HTR4: variants seen among roughly 807,000 people sequenced by gnomAD.
HTR4 encodes 5-hydroxytryptamine receptor 4.
In HTR4, 16 loss-of-function variants were observed where a neutral mutation model predicts 36.8. The observed-to-expected ratio is 0.43, with a 90% CI of 0.29 to 0.66. HTR4 has a LOEUF of 0.66. Ranked by LOEUF, HTR4 falls within the 30% of genes least tolerant of loss-of-function variation. The probability of loss-of-function intolerance (pLI) is 0.13; values close to 1 mark genes in which losing one functional copy is unlikely to be tolerated. For synonymous variants in HTR4, 189 were observed against 185.1 expected, an observed-to-expected ratio of 1.02 and a Z score of -0.17; for missense variants, 438 against 490.9, an observed-to-expected ratio of 0.89 and a Z score of 1.02.
chr5:148,587,259 T>C (rs1456306465), intron 2 of HTR4, among the ~76,000 whole-genome samples: 1 of 152,242 alleles, frequency 6.6e-6, no homozygotes, highest in Non-Finnish European at 1.5e-5. Context: ...GCATAGGGTA[T>C]CAGAGGTAAA....
chr5:148,616,478 G>C (rs1752694090), intron 2 of HTR4, among the ~76,000 whole-genome samples: 1 of 151,988 alleles, frequency 6.6e-6, no homozygotes, highest in South Asian at 2.1e-4. Context: ...AAATTACAAG[G>C]GCATGTTCTA....
chr5:148,590,290 T>A (rs1761511894), intron 2 of HTR4, among the ~76,000 whole-genome samples: 1 of 104,732 alleles, frequency 9.5e-6, no homozygotes, highest in Non-Finnish European at 1.9e-5. Context: ...TTCTTTTCTT[T>A]TTTTTTTTTT....
intron 2 of HTR4, among the ~76,000 whole-genome samples, chr5:148,551,270 G>A (rs541582201): frequency 1.3e-5 from 2 of 152,310 alleles, no homozygotes; most frequent in Admixed American, 1.3e-4. Context: ...TGGTGTGATG[G>A]TTGTTCTTAC....
intron 1 of HTR4, among the ~76,000 whole-genome samples, chr5:148,640,995 AAGG>A (rs1753714256): frequency 6.6e-6 from 1 of 152,164 alleles, no homozygotes; most frequent in Admixed American, 6.5e-5. Flanking sequence ...GGAACAGAGG[AAGG>A]AGGAGTTGAT....
downstream of HTR4, chr5:148,481,524 G>A: frequency 6.6e-7 from 1 of 1,509,836 alleles, no homozygotes; most frequent in Non-Finnish European, 8.8e-7. Context: ...AGTCTTCATA[G>A]GACAGAGAGG....
intron 2 of HTR4, chr5:148,629,664 C>T (rs1753250111): frequency 6.6e-6 from 1 of 152,124 alleles, no homozygotes; most frequent in African/African-American, 2.4e-5. Context: ...GTAAACTGCA[C>T]AAAAGACTGA....
chr5:148,479,060 A>G (rs771453494), downstream of HTR4, among the ~76,000 whole-genome samples: 2 of 151,630 alleles, frequency 1.3e-5, no homozygotes, highest in Non-Finnish European at 2.9e-5. Context: ...TCAATCCAAG[A>G]CCTCCAGATA....
downstream of HTR4, among the ~76,000 whole-genome samples, chr5:148,474,074 C>A (rs948734363): frequency 1.3e-5 from 2 of 152,190 alleles, no homozygotes; most frequent in African/African-American, 4.8e-5. Context: ...GATAAGAGTA[C>A]CCTTTCCTAG....
intron 2 of HTR4, among the ~76,000 whole-genome samples, chr5:148,580,397 C>A (rs571968463): frequency 1.3e-5 from 2 of 152,102 alleles, no homozygotes; most frequent in Admixed American, 6.5e-5. Context: ...GCCAAAATTC[C>A]CCCTTTTTAC....
chr5:148,591,427 T>C lies in HTR4; in HGVS notation c.27-41165A>G, dbSNP rs181424061. 7.2e-5 allele frequency among the ~76,000 whole-genome samples: 11 copies of C among 152,330 alleles called. No individual in the cohort carries two copies. The East Asian group carries it at 1.2e-3, about 16-fold the overall frequency. On this transcript the variant is annotated intron_variant, in intron 2 of 6. Coordinates refer to ENST00000377888, the MANE Select transcript of HTR4 (RefSeq NM_000870.7). ...AATCTGTAAATGGCTTTGGGCAGTA[T>C]AGTCATTTTAGTGATACTGATTCTT...
In HTR4 at chr5:148,481,904, C is replaced by A. The variant is rs1042083745; in HGVS notation, c.*1299G>T. The A allele has an allele frequency of 8.7e-7, 1 of 1,143,724 alleles. No individual in the cohort carries two copies. Among genetic ancestry groups the A allele is most frequent in the East Asian group, 4.7e-5 (1 of 21,338 alleles). 70.8% of individuals were successfully genotyped at this position (1,143,724 alleles called of 1,614,324 possible). A position where few individuals can be genotyped will look rare whatever the true frequency, so the allele number is the denominator to read the frequency against. ...TCTAAAAGGCCCAAATGAGGAGGGT[C>A]GTTCCTTTGAAACAAAGCCAAAAGG... On this transcript the variant is annotated 3_prime_UTR_variant, in exon 7 of 7. Coordinates refer to ENST00000377888, the MANE Select transcript of HTR4 (RefSeq NM_000870.7).
Position 148,482,943 on chromosome 5 carries a change from C to A in HTR4, c.*260G>T. ...AACATGTCAGAGACACCAGAGACCA[C>A]GCGGCAAAAGCAGAGAATCTGGGAA... On this transcript the variant is annotated 3_prime_UTR_variant, in exon 7 of 7. Transcript: ENST00000377888. 1.5e-6 allele frequency: 2 copies of A among 1,355,604 alleles called. No homozygotes were observed. Among genetic ancestry groups the A allele is most frequent in the East Asian group, 3.0e-5 (1 of 33,704 alleles). 84.0% of individuals were successfully genotyped at this position (1,355,604 alleles called of 1,614,324 possible).
chr5:148,636,967 T>C (rs1197595365), intron 2 of HTR4, 22 bp downstream of exon 2: 6 of 1,468,276 alleles, frequency 4.1e-6, no homozygotes, highest in Non-Finnish European at 2.9e-6. Context: ...TACAACACAA[T>C]ATGTACAGAA....
At chr5:148,617,130 T>C (rs968761876) in intron 2 of HTR4, among the ~76,000 whole-genome samples, 2 of 152,226 alleles carry the variant, frequency 1.3e-5, no homozygotes, top group Non-Finnish European at 2.9e-5. Context: ...ATCATGAGGA[T>C]AGATTTCTCA....
chr5:148,520,199 T>G (rs1196284469), intron 5 of HTR4, among the ~76,000 whole-genome samples: 1 of 152,198 alleles, frequency 6.6e-6, no homozygotes, highest in Non-Finnish European at 1.5e-5. Flanking sequence ...TGGATTGTGC[T>G]AGCTTCTCTC....
In HTR4 at chr5:148,481,898, G is replaced by A; in HGVS notation, c.*1305C>T. The A allele has an allele frequency of 1.7e-6, 2 of 1,165,288 alleles. No homozygotes were observed. The highest frequency in any genetic ancestry group is 2.1e-6 in the Non-Finnish European group (2 of 947,032). The allele number at this position is 1,165,288 out of a possible 1,614,324, so 72.2% of individuals were successfully genotyped here. Reference sequence around the variant, plus strand: ...CAGGGGTCTAAAAGGCCCAAATGAGGAGGGTCGTTCCTTTGAAACAAAGCC... The same window carrying A: ...CAGGGGTCTAAAAGGCCCAAATGAGAAGGGTCGTTCCTTTGAAACAAAGCC... On this transcript the variant is annotated 3_prime_UTR_variant, in exon 7 of 7. Transcript: ENST00000377888.
At chr5:148,647,399 G>T (rs1409919846) in intron 1 of HTR4, among the ~76,000 whole-genome samples, 1 of 152,138 alleles carries the variant, frequency 6.6e-6, no homozygotes, top group African/African-American at 2.4e-5. Flanking sequence ...TCTACTACTT[G>T]GAAGGTGGAC....
chr5:148,593,553 A>G (rs892419032), intron 2 of HTR4, among the ~76,000 whole-genome samples: 1 of 152,036 alleles, frequency 6.6e-6, no homozygotes, highest in African/African-American at 2.4e-5. Context: ...ATTTCTCTCC[A>G]CCTTTAATGT....
At chr5:148,553,398 T>G (rs1759791110) in intron 2 of HTR4, among the ~76,000 whole-genome samples, 2 of 152,192 alleles carry the variant, frequency 1.3e-5, no homozygotes, top group African/African-American at 4.8e-5. Context: ...TTAAGTTACC[T>G]GAGGAGCCTT....
Sources: allele counts gnomAD v4.1 joint callset (sites outside exome capture counted in the v4.1 genomes callset), GRCh38; gene constraint gnomAD v4.1.1; transcripts MANE v1.5; gene names NCBI Gene and HGNC (gene_info 2026-07-23, HGNC 2026-07-21).